Variants in CLPB observed in about 807,000 individuals in gnomAD.
CLPB encodes ClpB family mitochondrial disaggregase.
Under a neutral mutation model 78.4 loss-of-function variants are expected in CLPB, and 40 were observed. The ratio of observed to expected loss-of-function variants is 0.51; its 90% confidence interval spans 0.40 to 0.66. The LOEUF (loss-of-function observed/expected upper bound fraction) is 0.66, where lower values mean the gene tolerates loss of function less well. Among genes scored for constraint, CLPB ranks in the 30% least tolerant of loss-of-function variants. The pLI is 0.00. For synonymous variants in CLPB, 333 were observed against 348.0 expected (o/e 0.96, Z 0.48); for missense variants, 780 against 886.9 (o/e 0.88, Z 1.53).
intron 6 of CLPB, among the ~76,000 whole-genome samples, chr11:72,319,865 A>T (rs898993465): frequency 6.6e-6 from 1 of 152,198 alleles, no homozygotes; most frequent in African/African-American, 2.4e-5. Context: ...CAGACTGTCT[A>T]ATCTAGTGCC....
Position 72,292,881 on chromosome 11 carries a change from C to G in CLPB, c.*486G>C, listed in dbSNP as rs1326447300. ...GACTAAATTGCAGAACTATCTGCACCTGGGCCTCTGAGCTCTTCCTCCACT... is the reference window on the plus strand; with the variant it reads ...GACTAAATTGCAGAACTATCTGCACGTGGGCCTCTGAGCTCTTCCTCCACT... On this transcript the variant is annotated 3_prime_UTR_variant, in exon 16 of 16. Transcript: ENST00000538039. 1 of 157,302 alleles carries G rather than the reference C, an allele frequency of 6.4e-6. No individual in the cohort carries two copies. The highest frequency in any genetic ancestry group is 1.8e-4 in the East Asian group (1 of 5,426). The allele number at this position is 157,302 out of a possible 1,614,324, so 9.7% of individuals were successfully genotyped here. A position where few individuals can be genotyped will look rare whatever the true frequency, so the allele number is the denominator to read the frequency against.
chr11:72,412,399 T>C (rs1855905530), intron 2 of CLPB, among the ~76,000 whole-genome samples: 1 of 152,218 alleles, frequency 6.6e-6, no homozygotes, highest in Admixed American at 6.5e-5. Flanking sequence ...AAATGCCAAG[T>C]GTACTGTGGA....
At chr11:72,407,259 T>C (rs1330607749) in intron 2 of CLPB, among the ~76,000 whole-genome samples, 1 of 152,232 alleles carries the variant, frequency 6.6e-6, no homozygotes, top group East Asian at 1.9e-4. Context: ...TCTGAATAGC[T>C]GCCCCACTGA....
chr11:72,418,119 C>T (rs1455383016), intron 2 of CLPB, among the ~76,000 whole-genome samples: 1 of 152,210 alleles, frequency 6.6e-6, no homozygotes, highest in Non-Finnish European at 1.5e-5. Flanking sequence ...TCAGCCTGCC[C>T]AGCTGCTGCC....
At chr11:72,314,762 G>A (rs1355218684) in intron 7 of CLPB, among the ~76,000 whole-genome samples, 1 of 151,882 alleles carries the variant, frequency 6.6e-6, no homozygotes, top group Non-Finnish European at 1.5e-5. Flanking sequence ...AGGGCCAGAA[G>A]GGAAGGATTG....
intron 3 of CLPB, among the ~76,000 whole-genome samples, chr11:72,396,651 T>C (rs1855415743): frequency 6.6e-6 from 1 of 152,228 alleles, no homozygotes. Context: ...ATAAAGTGAA[T>C]TTATCACTAT....
At chr11:72,308,797 T>G (rs934290151) in intron 7 of CLPB, among the ~76,000 whole-genome samples, 193 bp from the exon 8 acceptor site, 2 of 152,148 alleles carry the variant, frequency 1.3e-5, no homozygotes, top group East Asian at 3.8e-4. Flanking sequence ...CAGGTTAGCA[T>G]GGATTTGGAA....
intron 3 of CLPB, among the ~76,000 whole-genome samples, chr11:72,388,251 T>C (rs1465572755): frequency 5.3e-4 from 60 of 112,210 alleles, no homozygotes; most frequent in Middle Eastern, 4.2e-3. Flanking sequence ...TCCCTTCCCC[T>C]TTTTTTTTTT....
intron 2 of CLPB, 115 bp downstream of exon 2, chr11:72,430,197 G>C: frequency 1.0e-6 from 1 of 953,868 alleles, no homozygotes. Flanking sequence ...TGTCACAGGG[G>C]ACAGTTCCCA....
chr11:72,339,134 T>G (rs1033476243), intron 5 of CLPB, among the ~76,000 whole-genome samples: 2 of 152,176 alleles, frequency 1.3e-5, no homozygotes, highest in African/African-American at 4.8e-5. Flanking sequence ...TCATCAAATC[T>G]GCAGATGTAA....
chr11:72,297,202 C>A (rs992193991), intron 11 of CLPB, among the ~76,000 whole-genome samples: 2 of 152,232 alleles, frequency 1.3e-5, no homozygotes, highest in Non-Finnish European at 2.9e-5. Context: ...ATATACATCA[C>A]TGACCTCAGC....
chr11:72,408,778 C>A (rs574679964), intron 2 of CLPB, among the ~76,000 whole-genome samples: 3 of 152,180 alleles, frequency 2.0e-5, no homozygotes, highest in South Asian at 4.1e-4. Flanking sequence ...TGCAGAGCAG[C>A]CCAGAAAGTT....
chr11:72,392,635 T>C (rs541668578), intron 3 of CLPB, among the ~76,000 whole-genome samples: 4 of 152,218 alleles, frequency 2.6e-5, no homozygotes, highest in Admixed American at 6.5e-5. Flanking sequence ...TCAATAATCA[T>C]AATAAAGCAG....
chr11:72,380,294 G>T lies in CLPB; in HGVS notation c.633C>A (p.Ile211=). 1 of 1,613,556 alleles carries T rather than the reference G, an allele frequency of 6.2e-7. No homozygotes were observed. Among genetic ancestry groups the T allele is most frequent in the South Asian group, 1.1e-5 (1 of 91,074 alleles). Residue 211 remains isoleucine (I), a synonymous_variant, in exon 4 of 16, where the codon ATC becomes ATA. Transcript: ENST00000538039. Reference sequence around the variant, plus strand: ...GCCCACACTTACCTTCCAAAGAATGGATTCCCTGTTCCTTGGCAGTCTTGT... The same window carrying T: ...GCCCACACTTACCTTCCAAAGAATGTATTCCCTGTTCCTTGGCAGTCTTGT... The part of the protein sequence containing the change: ...SVYKTAKEQG[I]HSLEVLITRE...
At chr11:72,298,190 C>A (rs1054695906) in intron 11 of CLPB, among the ~76,000 whole-genome samples, 3 of 152,072 alleles carry the variant, frequency 2.0e-5, no homozygotes, top group Non-Finnish European at 1.5e-5. Flanking sequence ...CAGCAGTAGA[C>A]CTGCTTGGTG....
chr11:72,405,414 G>A (rs757090703), intron 2 of CLPB, among the ~76,000 whole-genome samples: 39 of 152,162 alleles, frequency 2.6e-4, no homozygotes, highest in Non-Finnish European at 5.1e-4. Context: ...TTCCAGAAAA[G>A]TGCATAGGAG....
chr11:72,402,804 T>C (rs1855599680), intron 3 of CLPB, among the ~76,000 whole-genome samples, 162 bp downstream of exon 3: 2 of 152,232 alleles, frequency 1.3e-5, no homozygotes. Context: ...CCACAGCTAC[T>C]ATACAGTCCA....
chr11:72,419,344 T>G (rs1020798712), intron 2 of CLPB, among the ~76,000 whole-genome samples: 5 of 152,190 alleles, frequency 3.3e-5, no homozygotes, highest in Non-Finnish European at 5.9e-5. Context: ...CCTGAGCGAT[T>G]ACAGCTTTGT....
In CLPB at chr11:72,286,223, G is replaced by GTTTTTTGTTTTTTTT. The variant is rs1949386640; in HGVS notation, c.*7143_*7144insAAAAAAAACAAAAAA. The GTTTTTTGTTTTTTTT allele has an allele frequency of 1.7e-5, 1 of 60,450 alleles. No homozygotes were observed. Among genetic ancestry groups the GTTTTTTGTTTTTTTT allele is most frequent in the Non-Finnish European group, 3.1e-5 (1 of 32,212 alleles). 3.7% of individuals were successfully genotyped at this position (60,450 alleles called of 1,614,324 possible). ...ATTACAGGTGTGAGATACTGCACCT[G>GTTTTTTGTTTTTTTT]TTTTTTTTTTTTTTTTTTTTTTTAA... On this transcript the variant is annotated 3_prime_UTR_variant, in exon 16 of 16. Coordinates refer to ENST00000538039, the MANE Select transcript of CLPB (RefSeq NM_001258392.3).
Sources: gnomAD v4.1 joint callset for allele counts (sites outside exome capture counted in the v4.1 genomes callset) on GRCh38, gnomAD v4.1.1 for gene constraint, MANE v1.5 for transcripts, NCBI Gene and HGNC (gene_info 2026-07-23, HGNC 2026-07-21) for gene names.